The following LRP1B variants were observed in gnomAD, a reference collection of about 807,000 sequenced individuals.
LRP1B encodes the protein low-density lipoprotein receptor-related protein 1B.
Under a neutral mutation model 556.6 loss-of-function variants are expected in LRP1B, and 217 were observed. That is an observed-to-expected ratio of 0.39 (90% CI 0.35 to 0.44). The LOEUF is 0.44. LRP1B is among the 20% of genes least tolerant of loss of function. The pLI, the probability that LRP1B is intolerant of heterozygous loss-of-function variation, is 1.00. For synonymous variants in LRP1B, 2,047 were observed against 1,865.8 expected (o/e 1.10, Z -2.50); for missense variants, 5,053 against 5,620.8 (o/e 0.90, Z 3.23).
intron 7 of LRP1B, among the ~76,000 whole-genome samples, chr2:141,088,901 A>G (rs1700109773): frequency 6.6e-6 from 1 of 152,218 alleles, no homozygotes; most frequent in Admixed American, 6.5e-5. Context: ...CTTGATGCAT[A>G]GCCCTCTGAG....
At chr2:141,357,370 A>G (rs1183293702) in intron 3 of LRP1B, among the ~76,000 whole-genome samples, 1 of 152,188 alleles carries the variant, frequency 6.6e-6, no homozygotes, top group Non-Finnish European at 1.5e-5. Context: ...AGCTTTGATA[A>G]GAAATACCTG....
chr2:141,345,093 C>T (rs1183626605), intron 3 of LRP1B, among the ~76,000 whole-genome samples: 1 of 149,756 alleles, frequency 6.7e-6, no homozygotes, highest in Non-Finnish European at 1.5e-5. Context: ...GTGAGGAACA[C>T]TTGACTGGCC....
At chr2:141,538,625 C>A in intron 2 of LRP1B, among the ~76,000 whole-genome samples, 1 of 139,512 alleles carries the variant, frequency 7.2e-6, no homozygotes, top group East Asian at 2.0e-4. Context: ...AAAAGACACC[C>A]TGAAAAAAAC....
At chr2:140,701,628 T>C (rs1286791748) in intron 40 of LRP1B, 93 bp downstream of exon 40, 1 of 1,268,392 alleles carries the variant, frequency 7.9e-7, no homozygotes, top group Non-Finnish European at 1.1e-6. Context: ...GTTTTAGACT[T>C]ATAGAAGAAT....
chr2:141,952,541 A>T (rs1167610969), intron 1 of LRP1B, among the ~76,000 whole-genome samples: 1 of 152,100 alleles, frequency 6.6e-6, no homozygotes, highest in Non-Finnish European at 1.5e-5. Context: ...GCTTCTGAAA[A>T]CAGTGGTGGG....
intron 31 of LRP1B, among the ~76,000 whole-genome samples, chr2:140,836,781 T>C (rs977286211): frequency 2.0e-5 from 3 of 152,180 alleles, no homozygotes; most frequent in African/African-American, 7.2e-5. Context: ...TGCATTTATA[T>C]ATGGACAACA....
intron 76 of LRP1B, 144 bp downstream of exon 76, chr2:140,352,809 C>T: frequency 1.4e-6 from 1 of 729,388 alleles, no homozygotes; most frequent in East Asian, 2.8e-5. Context: ...TTAATATTAA[C>T]TAACCAACTG....
intron 86 of LRP1B, among the ~76,000 whole-genome samples, chr2:140,252,001 T>C (rs549313942): frequency 5.6e-4 from 73 of 130,650 alleles, no homozygotes; most frequent in African/African-American, 1.5e-3. Context: ...AGGTCTACAC[T>C]CCATGTATCC....
intron 1 of LRP1B, among the ~76,000 whole-genome samples, chr2:141,842,272 G>A (rs1275665876): frequency 6.6e-6 from 1 of 151,804 alleles, no homozygotes; most frequent in African/African-American, 2.4e-5. Flanking sequence ...TTCTTATTAG[G>A]TTAATTTAAA....
At chr2:141,895,375 CTG>C (rs1372416314) in intron 1 of LRP1B, among the ~76,000 whole-genome samples, 3 of 152,060 alleles carry the variant, frequency 2.0e-5, no homozygotes, top group Admixed American at 2.0e-4. Flanking sequence ...GCCATTGAAG[CTG>C]TGTATCAACT....
rs190553717 is a variant in LRP1B at position 141,780,740 on chromosome 2, A to G, written c.205+29539T>C. Among the ~76,000 whole-genome samples the G allele has an allele frequency of 2.4e-3, 361 of 152,308 alleles. 3 individuals are homozygous for G. Among genetic ancestry groups the G allele is most frequent in the Middle Eastern group, 0.014 (4 of 294 alleles). Reference sequence around the variant, plus strand: ...CAATTGTTTTATCATTCTGTGAACTATATTAGAGATTCATTTGAATTAGCA... The same window carrying G: ...CAATTGTTTTATCATTCTGTGAACTGTATTAGAGATTCATTTGAATTAGCA... On this transcript the variant is annotated intron_variant, in intron 2 of 90. Coordinates refer to ENST00000389484, the MANE Select transcript of LRP1B (RefSeq NM_018557.3).
chr2:141,173,579 G>T (rs544911631), intron 7 of LRP1B, among the ~76,000 whole-genome samples: 2 of 152,046 alleles, frequency 1.3e-5, no homozygotes, highest in Non-Finnish European at 2.9e-5. Context: ...AAGTGATATA[G>T]ATTAATAGTC....
At chr2:141,689,809 C>T (rs543219606) in intron 2 of LRP1B, among the ~76,000 whole-genome samples, 65 of 151,844 alleles carry the variant, frequency 4.3e-4, no homozygotes, top group Admixed American at 7.2e-4. Context: ...ATAGAATAAA[C>T]ACCAGTCAGC....
chr2:141,023,511 T>G (rs1259015554), intron 11 of LRP1B, among the ~76,000 whole-genome samples: 2 of 152,012 alleles, frequency 1.3e-5, no homozygotes, highest in African/African-American at 2.4e-5. Flanking sequence ...CAAATAAACA[T>G]TTTTAAAGAG....
At chr2:141,662,598 A>G (rs749232423) in intron 2 of LRP1B, among the ~76,000 whole-genome samples, 4 of 152,152 alleles carry the variant, frequency 2.6e-5, no homozygotes, top group Admixed American at 2.6e-4. Context: ...ATTACCTAAC[A>G]GTAAAGGGCT....
chr2:140,866,089 C>T (rs1307294420), intron 27 of LRP1B, among the ~76,000 whole-genome samples: 1 of 152,102 alleles, frequency 6.6e-6, no homozygotes. Flanking sequence ...GGCCATTTTT[C>T]ATGGTCCAGT....
rs1358999360 is a variant in LRP1B, at chr2:142,029,933, A to ATTTT, written c.82+100714_82+100715insAAAA. ...CATTAGAGCTTGCAATAAATATCTCATCATTACTCAAACTTGCTGAACACT... is the reference window on the plus strand; with the variant it reads ...CATTAGAGCTTGCAATAAATATCTCATTTTTCATTACTCAAACTTGCTGAACACT... On this transcript the variant is annotated intron_variant, in intron 1 of 90. Transcript: ENST00000389484. 3.3e-5 allele frequency among the ~76,000 whole-genome samples: 5 copies of ATTTT among 151,798 alleles called. No individual in the cohort carries two copies. The East Asian group carries it at 7.8e-4, about 24-fold the overall frequency.
At chr2:141,831,797 C>T (rs1329291630) in intron 1 of LRP1B, among the ~76,000 whole-genome samples, 1 of 151,556 alleles carries the variant, frequency 6.6e-6, no homozygotes, top group Non-Finnish European at 1.5e-5. Context: ...AGTGGGGGCG[C>T]TCAAAAAATA....
chr2:140,780,827 A>C (rs1407066453), intron 32 of LRP1B, among the ~76,000 whole-genome samples: 2 of 152,180 alleles, frequency 1.3e-5, no homozygotes, highest in Admixed American at 1.3e-4. Flanking sequence ...TAGAAACAAA[A>C]CTTAGAAAAA....
Sources: allele counts gnomAD v4.1 joint callset (sites outside exome capture counted in the v4.1 genomes callset), GRCh38; gene constraint gnomAD v4.1.1; transcripts MANE v1.5; gene names NCBI Gene and HGNC (gene_info 2026-07-23, HGNC 2026-07-21).